Variants in ZNF536 observed in about 807,000 individuals in gnomAD.
ZNF536 encodes zinc finger protein 536.
ZNF536 carries 13 observed loss-of-function variants against 84.5 expected under a neutral mutation model. That is an observed-to-expected ratio of 0.15 (90% CI 0.10 to 0.24). The LOEUF (loss-of-function observed/expected upper bound fraction) is 0.24. Ranked by LOEUF, ZNF536 falls within the 10% of genes least tolerant of loss-of-function variation. The pLI, the probability that ZNF536 is intolerant of heterozygous loss-of-function variation, is 1.00. For synonymous variants in ZNF536, 811 were observed against 742.5 expected (o/e 1.09, Z -1.50); for missense variants, 1,536 against 1,747.5 (o/e 0.88, Z 2.16).
intron 1 of ZNF536, among the ~76,000 whole-genome samples, chr19:30,386,287 C>T (rs28709527): frequency 0.018 from 2,786 of 152,334 alleles, 85 homozygotes; most frequent in African/African-American, 0.061. Flanking sequence ...GCCCCTCACT[C>T]AGCTGAGCTT....
chr19:30,329,394 G>C (rs561833454), intron 2 of ZNF536, among the ~76,000 whole-genome samples: 8 of 152,154 alleles, frequency 5.3e-5, no homozygotes, highest in African/African-American at 1.9e-4. Context: ...GAGGTGGGGG[G>C]CTGGGGAATG....
intron 1 of ZNF536, among the ~76,000 whole-genome samples, chr19:30,612,583 G>T (rs895645879): frequency 6.6e-6 from 1 of 152,218 alleles, no homozygotes; most frequent in Non-Finnish European, 1.5e-5. Context: ...ATGACTTGTA[G>T]ATCTGTTAAC....
chr19:30,539,043 A>G (rs1251897077), intron 3 of ZNF536, among the ~76,000 whole-genome samples: 1 of 152,010 alleles, frequency 6.6e-6, no homozygotes, highest in Admixed American at 6.6e-5. Context: ...CCCCATCTCT[A>G]TAAAAGGAAA....
At chr19:30,339,172 A>G (rs1013937459) in intron 2 of ZNF536, among the ~76,000 whole-genome samples, 1 of 152,192 alleles carries the variant, frequency 6.6e-6, no homozygotes, top group Non-Finnish European at 1.5e-5. Flanking sequence ...TGGAGCAGTG[A>G]AAAAAGGGGA....
chr19:30,263,726 G>A (rs1275495425), intron 1 of ZNF536, among the ~76,000 whole-genome samples: 1 of 152,102 alleles, frequency 6.6e-6, no homozygotes, highest in Admixed American at 6.5e-5. Flanking sequence ...ACGCGTGTGT[G>A]TATTTCATAC....
At chr19:30,387,776 A>G (rs932269073) in intron 1 of ZNF536, among the ~76,000 whole-genome samples, 1 of 152,178 alleles carries the variant, frequency 6.6e-6, no homozygotes, top group African/African-American at 2.4e-5. Context: ...CATCGCTTGG[A>G]AACTACTTAC....
At chr19:30,661,870 A>C (rs934368074) in intron 1 of ZNF536, among the ~76,000 whole-genome samples, 3 of 147,330 alleles carry the variant, frequency 2.0e-5, no homozygotes, top group Non-Finnish European at 3.1e-5. Flanking sequence ...ATGGCTGGAA[A>C]AAATATTTGG....
chr19:30,464,890 G>T (rs1377742097), intron 2 of ZNF536, among the ~76,000 whole-genome samples: 1 of 152,080 alleles, frequency 6.6e-6, no homozygotes, highest in African/African-American at 2.4e-5. Flanking sequence ...CCCTTTGATG[G>T]CTGTGGCTCT....
At chr19:30,674,526 G>A (rs982466556) in intron 1 of ZNF536, among the ~76,000 whole-genome samples, 1 of 152,206 alleles carries the variant, frequency 6.6e-6, no homozygotes, top group African/African-American at 2.4e-5. Context: ...GGGAAGGGAA[G>A]GAAACCAATG....
intron 2 of ZNF536, among the ~76,000 whole-genome samples, chr19:30,479,791 A>G (rs915002255): frequency 6.6e-6 from 1 of 152,092 alleles, no homozygotes; most frequent in African/African-American, 2.4e-5. Context: ...TTGTTTCTGT[A>G]CCCTTTGGGT....
chr19:30,345,555 A>G (rs2047714053), intron 2 of ZNF536, among the ~76,000 whole-genome samples: 2 of 152,242 alleles, frequency 1.3e-5, no homozygotes, highest in African/African-American at 4.8e-5. Context: ...TTTGGTCAGC[A>G]CTGTCCCATG....
At position 30,418,103 on chromosome 19, in the gene ZNF536, A is replaced by AT. The variant is rs769463321; in HGVS notation, c.-2-25446dup. Among the ~76,000 whole-genome samples, 956 of 145,352 alleles carry AT rather than the reference A, an allele frequency of 6.6e-3. 8 individuals are homozygous for AT. Among genetic ancestry groups the AT allele is most frequent in the African/African-American group, 0.019 (758 of 40,154 alleles). Reference sequence around the variant, plus strand: ...TGATCTTATTTTTGTATTGCCAAGCATTTTTTTTTTTTAATCAGAAACGAA... The same window carrying AT: ...TGATCTTATTTTTGTATTGCCAAGCATTTTTTTTTTTTTAATCAGAAACGAA... On this transcript the variant is annotated intron_variant, in intron 1 of 4. Transcript: ENST00000355537.
At chr19:30,544,622 C>A (rs1228291053) in intron 3 of ZNF536, among the ~76,000 whole-genome samples, 1 of 152,116 alleles carries the variant, frequency 6.6e-6, no homozygotes, top group Non-Finnish European at 1.5e-5. Context: ...AGAGAACCTA[C>A]CTCTTTGGTC....
chr19:30,394,358 T>C (rs2049724072), intron 1 of ZNF536, among the ~76,000 whole-genome samples: 1 of 152,178 alleles, frequency 6.6e-6, no homozygotes, highest in South Asian at 2.1e-4. Context: ...GGTATCTAAC[T>C]ATGATAGTGC....
chr19:30,439,746 C>A (rs1249796595), intron 1 of ZNF536, among the ~76,000 whole-genome samples: 10 of 152,048 alleles, frequency 6.6e-5, no homozygotes, highest in Non-Finnish European at 1.5e-4. Flanking sequence ...AGCTGGTCAG[C>A]TCCTCTGAAA....
intron 2 of ZNF536, among the ~76,000 whole-genome samples, chr19:30,494,314 A>G (rs757117813): frequency 2.0e-5 from 3 of 152,224 alleles, no homozygotes; most frequent in Non-Finnish European, 2.9e-5. Flanking sequence ...GACACTTTGC[A>G]CTACGGGAAC....
intron 2 of ZNF536, among the ~76,000 whole-genome samples, chr19:30,461,728 C>T (rs575966491): frequency 1.3e-5 from 2 of 152,352 alleles, no homozygotes; most frequent in East Asian, 1.9e-4. Context: ...AGCTTGCCCC[C>T]GTCTCAGTTC....
chr19:30,330,945 T>C (rs946483818), intron 2 of ZNF536, among the ~76,000 whole-genome samples: 1 of 152,134 alleles, frequency 6.6e-6, no homozygotes, highest in Non-Finnish European at 1.5e-5. Context: ...TTTCAGTCCC[T>C]ACTGCACTTC....
intron 1 of ZNF536, among the ~76,000 whole-genome samples, chr19:30,667,624 G>GTTTTTT (rs1600207364): frequency 1.3e-5 from 1 of 77,150 alleles, no homozygotes; most frequent in East Asian, 4.6e-4. Flanking sequence ...GTTTTTTCTA[G>GTTTTTT]CTTTTTTTTT....
Sources: allele counts gnomAD v4.1 joint callset (sites outside exome capture counted in the v4.1 genomes callset), GRCh38; gene constraint gnomAD v4.1.1; transcripts MANE v1.5; gene names NCBI Gene and HGNC (gene_info 2026-07-23, HGNC 2026-07-21).